HSPA12A: variants seen among roughly 807,000 people sequenced by gnomAD.
HSPA12A encodes heat shock protein family A (Hsp70) member 12A.
HSPA12A carries 28 observed loss-of-function variants against 69.2 expected under a neutral mutation model. The observed-to-expected ratio is 0.40, with a 90% confidence interval of 0.30 to 0.55. The LOEUF (loss-of-function observed/expected upper bound fraction) is 0.55, where lower values mean the gene tolerates loss of function less well. Among genes scored for constraint, HSPA12A ranks in the 20% least tolerant of loss-of-function variants. The probability of loss-of-function intolerance (pLI) is 0.38; values close to 1 mark genes in which losing one functional copy is unlikely to be tolerated. For synonymous variants in HSPA12A, 345 were observed against 370.5 expected (o/e 0.93, Z 0.79); for missense variants, 686 against 900.7 (o/e 0.76, Z 3.05).
intron 1 of HSPA12A, among the ~76,000 whole-genome samples, chr10:116,838,724 G>T (rs1016723755): frequency 3.3e-5 from 5 of 152,172 alleles, no homozygotes; most frequent in Admixed American, 3.3e-4. Flanking sequence ...AAGAGGGTTT[G>T]TAAAGATGCT....
rs1850391998 is a variant in HSPA12A at position 116,710,592 on chromosome 10, G to GCTGAT, written c.41-3312_41-3308dup. Reference sequence around the variant, plus strand: ...CAATATTAAACAAATCATTTGACTTGCTGATCACTCAGCCAGGCCTAGAGG... The same window carrying GCTGAT: ...CAATATTAAACAAATCATTTGACTTGCTGATCTGATCACTCAGCCAGGCCTAGAGG... On this transcript the variant is annotated intron_variant, in intron 1 of 11. Transcript: ENST00000369209. The surrounding 1 kb of genome is among the most constrained non-coding windows in gnomAD (Gnocchi z 4.1). 6.6e-6 allele frequency among the ~76,000 whole-genome samples: 1 copy of GCTGAT among 152,170 alleles called. No homozygotes were observed. Among genetic ancestry groups the GCTGAT allele is most frequent in the Non-Finnish European group, 1.5e-5 (1 of 68,046 alleles).
intron 2 of HSPA12A, among the ~76,000 whole-genome samples, chr10:116,755,607 C>G (rs1174141399): frequency 3.8e-5 from 4 of 105,750 alleles, no homozygotes; most frequent in Non-Finnish European, 7.2e-5. Context: ...GTGAGACTGT[C>G]TCAAAAAAAA....
intron 2 of HSPA12A, chr10:116,832,531 A>C (rs752992565): frequency 2.0e-5 from 3 of 152,212 alleles, no homozygotes; most frequent in Non-Finnish European, 4.4e-5. Context: ...CAGTCAACTA[A>C]ACTGTTTTGA....
intron 2 of HSPA12A, among the ~76,000 whole-genome samples, chr10:116,811,579 T>TAAAAAAAAAAAAAAA (rs60912684): frequency 9.6e-4 from 102 of 105,922 alleles, no homozygotes; most frequent in African/African-American, 3.8e-3. Context: ...TTGCTTTTGT[T>TAAAAAAAAAAAAAAA]AAAAAAAAAA....
chr10:116,815,480 C>G (rs1321801664), intron 2 of HSPA12A, among the ~76,000 whole-genome samples: 1 of 152,134 alleles, frequency 6.6e-6, no homozygotes, highest in Non-Finnish European at 1.5e-5. Context: ...GAGGCTGAGG[C>G]AGGAGAATTG....
At position 116,679,734 on chromosome 10, in the gene HSPA12A, TCTA is replaced by T; in HGVS notation, c.1052_1054del (p.Val351del). 1 of 1,614,152 alleles carries T rather than the reference TCTA, an allele frequency of 6.2e-7. No homozygotes were observed. The highest frequency in any genetic ancestry group is 2.2e-5 in the East Asian group (1 of 44,876). ...ATACAGAAGTTTTTCGAACTCATAA[TCTA>T]CTCCTAAAGATCCATAGGGTCCGCC... On this transcript the variant is annotated inframe_deletion, in exon 10 of 12. Coordinates refer to ENST00000369209, the MANE Select transcript of HSPA12A (RefSeq NM_025015.3).
intron 2 of HSPA12A, among the ~76,000 whole-genome samples, chr10:116,791,177 C>T (rs117266673): frequency 6.6e-6 from 1 of 152,328 alleles, no homozygotes; most frequent in Non-Finnish European, 1.5e-5. Context: ...CAAGTGTGTG[C>T]TGCTTGGATG....
chr10:116,679,780 G>A lies in HSPA12A; in HGVS notation c.1028-19C>T, dbSNP rs1554878325. On this transcript the variant is annotated intron_variant, in intron 9 of 11. Coordinates refer to ENST00000369209, the MANE Select transcript of HSPA12A (RefSeq NM_025015.3). Reference sequence around the variant, plus strand: ...GGTCCGCCTGAATTGAGAACAAAAAGGGAGGCCATGGTGTTAAAAACCATT... The same window carrying A: ...GGTCCGCCTGAATTGAGAACAAAAAAGGAGGCCATGGTGTTAAAAACCATT... 6.2e-7 allele frequency: 1 copy of A among 1,608,952 alleles called. No individual in the cohort carries two copies. The highest frequency in any genetic ancestry group is 2.2e-5 in the East Asian group (1 of 44,778).
At chr10:116,837,306 C>A (rs1329286748) in intron 1 of HSPA12A, among the ~76,000 whole-genome samples, 2 of 152,072 alleles carry the variant, frequency 1.3e-5, no homozygotes, top group African/African-American at 4.8e-5. Flanking sequence ...TTTTTCAATT[C>A]AGTTGGTGGG....
At chr10:116,834,837 G>T in intron 2 of HSPA12A, 2 of 617,112 alleles carry the variant, frequency 3.2e-6, no homozygotes, top group Non-Finnish European at 4.6e-6. Flanking sequence ...AAACGTCCCA[G>T]TTTTAAACAT....
intron 2 of HSPA12A, among the ~76,000 whole-genome samples, chr10:116,763,353 A>G (rs1554889453): frequency 6.6e-6 from 1 of 152,218 alleles, no homozygotes; most frequent in Non-Finnish European, 1.5e-5. Flanking sequence ...GACACCGGTG[A>G]AACACGATCA....
chr10:116,690,595 T>A (rs1283857343), intron 6 of HSPA12A, among the ~76,000 whole-genome samples: 3 of 152,160 alleles, frequency 2.0e-5, no homozygotes, highest in Non-Finnish European at 4.4e-5. Flanking sequence ...CCCACATTCA[T>A]AAACACAGCT....
chr10:116,844,660 A>G (rs1845850926), intron 1 of HSPA12A, among the ~76,000 whole-genome samples: 1 of 152,232 alleles, frequency 6.6e-6, no homozygotes, highest in African/African-American at 2.4e-5. Flanking sequence ...CTATGATTCC[A>G]TGATTAAAGG....
At chr10:116,724,811 C>G (rs1443472269) in intron 1 of HSPA12A, among the ~76,000 whole-genome samples, 1 of 152,200 alleles carries the variant, frequency 6.6e-6, no homozygotes, top group Non-Finnish European at 1.5e-5. Flanking sequence ...CAGCTGCTCC[C>G]AGCCATAGCC....
chr10:116,783,720 T>C (rs1564818542), intron 2 of HSPA12A, among the ~76,000 whole-genome samples: 1 of 152,208 alleles, frequency 6.6e-6, no homozygotes, highest in African/African-American at 2.4e-5. Context: ...CCACCATTTA[T>C]GGGTATTTTT....
intron 6 of HSPA12A, among the ~76,000 whole-genome samples, chr10:116,690,205 G>A (rs2132935099): frequency 6.6e-6 from 1 of 152,260 alleles, no homozygotes; most frequent in Middle Eastern, 3.4e-3. Context: ...CTACAGCAAA[G>A]TCTGCAGAGC....
At chr10:116,820,418 T>G (rs1236385607) in intron 2 of HSPA12A, among the ~76,000 whole-genome samples, 1 of 152,058 alleles carries the variant, frequency 6.6e-6, no homozygotes, top group African/African-American at 2.4e-5. Context: ...ACTGATCCTG[T>G]GGGAGGAAGC....
chr10:116,705,260 C>T lies in HSPA12A; in HGVS notation c.145G>A (p.Val49Ile), dbSNP rs995723507. 9.3e-6 allele frequency: 15 copies of T among 1,614,012 alleles called. No homozygotes were observed. In the Admixed American group the frequency reaches 2.0e-4, roughly 22 times the overall value. The change falls in exon 3 of 12, where the codon GTC becomes ATC. Residue 49 changes from valine to isoleucine, a missense_variant. Val to Ile is a conservative substitution (Grantham distance 29). Coordinates refer to ENST00000369209, the MANE Select transcript of HSPA12A (RefSeq NM_025015.3). The part of the protein sequence containing the change: ...SHIVNDTDSN[V>I]SEQQSFLVVV... The stretch of plus-strand genomic sequence containing the variant: ...ACGAGAAATGACTGCTGTTCTGAGA[C>T]GTTGGAGTCAGTGTCGTTCTGCAGA...
Position 116,710,666 on chromosome 10 carries a change from A to G in HSPA12A, c.41-3381T>C, listed in dbSNP as rs1433941085. Among the ~76,000 whole-genome samples the G allele has an allele frequency of 6.6e-6, 1 of 152,184 alleles. No homozygotes were observed. Among genetic ancestry groups the G allele is most frequent in the African/African-American group, 2.4e-5 (1 of 41,438 alleles). ...CCATCAGAAGTTAAAATTCAGCTAC[A>G]CTGTGCAATGATTGAAAACTGATCT... On this transcript the variant is annotated intron_variant, in intron 1 of 11. Coordinates refer to ENST00000369209, the MANE Select transcript of HSPA12A (RefSeq NM_025015.3). The surrounding 1 kb of genome is among the most constrained non-coding windows in gnomAD (Gnocchi z 4.1).
Sources: gnomAD v4.1 joint callset for allele counts (sites outside exome capture counted in the v4.1 genomes callset) on GRCh38, gnomAD v4.1.1 for gene constraint, Gnocchi (gnomAD v3.1) non-coding constraint, MANE v1.5 for transcripts, NCBI Gene and HGNC (gene_info 2026-07-23, HGNC 2026-07-21) for gene names.